The following PDZK1 variants were observed in gnomAD, a reference collection of about 807,000 sequenced individuals.
PDZK1 encodes the protein PDZ domain containing 1, also known as Na(+)/H(+) exchange regulatory cofactor NHE-RF3.
PDZK1 carries 23 observed loss-of-function variants against 38.1 expected under a neutral mutation model. The observed-to-expected ratio is 0.60, with a 90% confidence interval of 0.43 to 0.85. The LOEUF is 0.85. Among genes scored for constraint, PDZK1 ranks in the 40% least tolerant of loss-of-function variants. The pLI is 0.00. For synonymous variants in PDZK1, 98 were observed against 186.2 expected (o/e 0.53, Z 3.86); for missense variants, 297 against 504.3 (o/e 0.59, Z 3.94).
chr1:145,676,724 C>CAA (rs1288329286), intron 6 of PDZK1, among the ~76,000 whole-genome samples: 20 of 79,120 alleles, frequency 2.5e-4, no homozygotes, highest in African/African-American at 9.7e-4. Flanking sequence ...GACAACGTCT[C>CAA]AAAAAAAAAA....
intron 4 of PDZK1, among the ~76,000 whole-genome samples, chr1:145,682,051 C>CACAT (rs1359586952): frequency 1.5e-5 from 2 of 130,208 alleles, no homozygotes; most frequent in South Asian, 2.5e-4. Flanking sequence ...CACACACACA[C>CACAT]ATAAAAATTA....
At chr1:145,704,001 G>A (rs1457785667) in intron 1 of PDZK1, among the ~76,000 whole-genome samples, 1 of 152,054 alleles carries the variant, frequency 6.6e-6, no homozygotes, top group Admixed American at 6.6e-5. Context: ...GCTACTTTTT[G>A]TATTTTTAGT....
chr1:145,671,628 A>G, intron 8 of PDZK1, 139 bp from the exon 9 acceptor site: 1 of 558,788 alleles, frequency 1.8e-6, no homozygotes, highest in East Asian at 3.2e-5. Flanking sequence ...AGTTGACAGC[A>G]ATTGTGTAGA....
At chr1:145,674,230 C>T (rs1653400083) in intron 6 of PDZK1, 1 of 985,180 alleles carries the variant, frequency 1.0e-6, no homozygotes, top group Admixed American at 6.1e-5. Flanking sequence ...TACATAATCT[C>T]CCTGTTGGGA....
intron 1 of PDZK1, among the ~76,000 whole-genome samples, chr1:145,692,526 C>T (rs1264138830): frequency 6.6e-6 from 1 of 151,394 alleles, no homozygotes; most frequent in African/African-American, 2.4e-5. Context: ...GCCTGGCAAA[C>T]ATGGTGAAAC....
At chr1:145,674,958 T>C (rs143311980) in intron 6 of PDZK1, among the ~76,000 whole-genome samples, 4,611 of 152,194 alleles carry the variant, frequency 0.03, 212 homozygotes, top group African/African-American at 0.1. Context: ...ACAGCTGTTA[T>C]ATGGTCACAT....
intron 1 of PDZK1, among the ~76,000 whole-genome samples, chr1:145,690,269 G>A (rs1553702877): frequency 6.6e-6 from 1 of 152,022 alleles, no homozygotes; most frequent in Admixed American, 6.6e-5. Flanking sequence ...TTCAGTTTCA[G>A]CTTGAGTTCA....
intron 8 of PDZK1, 132 bp downstream of exon 8, chr1:145,672,598 T>A: frequency 8.7e-7 from 1 of 1,147,798 alleles, no homozygotes; most frequent in Non-Finnish European, 1.2e-6. Flanking sequence ...ACTTGATTTG[T>A]TAGTTATCTT....
At chr1:145,673,346 A>G (rs587726231) in intron 7 of PDZK1, among the ~76,000 whole-genome samples, 53 of 152,114 alleles carry the variant, frequency 3.5e-4, no homozygotes, top group African/African-American at 1.1e-3. Context: ...GGTAAGGGGC[A>G]TTATGCCAAA....
chr1:145,682,009 A>AACACACACACAC (rs71077284), intron 4 of PDZK1, among the ~76,000 whole-genome samples: 86 of 108,302 alleles, frequency 7.9e-4, no homozygotes, highest in African/African-American at 1.6e-3. Context: ...ATCTCTACAA[A>AACACACACACAC]ACACACACAC....
chr1:145,686,901 G>C (rs1326112631), intron 2 of PDZK1, among the ~76,000 whole-genome samples, 175 bp from the exon 3 acceptor site: 1 of 152,086 alleles, frequency 6.6e-6, no homozygotes, highest in Non-Finnish European at 1.5e-5. Context: ...CGAGATCCAG[G>C]TGCAGATTAG....
intron 1 of PDZK1, among the ~76,000 whole-genome samples, chr1:145,704,139 T>G (rs1287852857): frequency 2.0e-5 from 3 of 152,184 alleles, no homozygotes; most frequent in Admixed American, 1.3e-4. Context: ...AAGATAAGCT[T>G]TCTTAAGAGC....
chr1:145,704,872 T>C (rs1011264944), intron 1 of PDZK1, among the ~76,000 whole-genome samples: 13 of 152,230 alleles, frequency 8.5e-5, no homozygotes, highest in African/African-American at 2.9e-4. Flanking sequence ...TGAGAGAGGA[T>C]TGGAGTCCTT....
chr1:145,690,107 A>G (rs1655118310), intron 1 of PDZK1, among the ~76,000 whole-genome samples: 1 of 152,214 alleles, frequency 6.6e-6, no homozygotes, highest in South Asian at 2.1e-4. Context: ...ATCAAAAGCC[A>G]TGACCAGCTG....
chr1:145,701,324 T>C (rs1553704953), intron 1 of PDZK1, among the ~76,000 whole-genome samples: 1 of 151,228 alleles, frequency 6.6e-6, no homozygotes, highest in Non-Finnish European at 1.5e-5. Context: ...AAGTTACTTC[T>C]GTTTTGTTGA....
At chr1:145,681,414 C>T (rs1443166028) in intron 4 of PDZK1, among the ~76,000 whole-genome samples, 2 of 149,040 alleles carry the variant, frequency 1.3e-5, no homozygotes, top group East Asian at 1.9e-4. Context: ...TCCCGAGTAC[C>T]TGGGACTACA....
intron 1 of PDZK1, among the ~76,000 whole-genome samples, chr1:145,698,308 A>G (rs1173614222): frequency 6.6e-6 from 1 of 152,120 alleles, no homozygotes; most frequent in Non-Finnish European, 1.5e-5. Context: ...GAGACTCTGG[A>G]AATCTAGATT....
At position 145,686,631 on chromosome 1, in the gene PDZK1, C is replaced by G. The variant is rs1553701819; in HGVS notation, c.306G>C (p.Leu102Phe). ...YEKAVKTRVD[L>F]KELGQSQKEQ... ...CCTTCTGACTTTGACCCAACTCTTT[C>G]AAGTCCACCCGTGTTTTCACTGCTT... Residue 102 changes from leucine (L) to phenylalanine (F), a missense_variant, in exon 3 of 9, where the codon TTG becomes TTC. Leu to Phe is a conservative substitution (Grantham distance 22). Coordinates refer to ENST00000417171, the MANE Select transcript of PDZK1 (RefSeq NM_001201325.2). The G allele has an allele frequency of 6.2e-7, 1 of 1,601,496 alleles. No individual in the cohort carries two copies. The highest frequency in any genetic ancestry group is 1.7e-5 in the Admixed American group (1 of 58,878).
At chr1:145,698,757 C>T (rs9726452) in intron 1 of PDZK1, among the ~76,000 whole-genome samples, 69,033 of 151,056 alleles carry the variant, frequency 0.46, 17,480 homozygotes, top group Non-Finnish European at 0.58. Context: ...GGTGAAACCT[C>T]ATCTCTCCTA....
Sources: gnomAD v4.1 joint callset for allele counts (sites outside exome capture counted in the v4.1 genomes callset) on GRCh38, gnomAD v4.1.1 for gene constraint, MANE v1.5 for transcripts, NCBI Gene and HGNC (gene_info 2026-07-23, HGNC 2026-07-21) for gene names.